Variants in LIMS4 observed in about 807,000 individuals in gnomAD.
LIMS4 encodes the protein LIM zinc finger domain containing 4.
At chr2:110,371,252 A>C in the LIMS4 span, among the ~76,000 whole-genome samples, 20 of 128,430 alleles carry the variant, frequency 1.6e-4, no homozygotes, top group South Asian at 2.4e-4. Flanking sequence ...AAAAAAAAAA[A>C]AAACAAGTCT....
At chr2:110,376,212 A>C in the LIMS4 span, 5 of 138,786 alleles carry the variant, frequency 3.6e-5, no homozygotes, top group Non-Finnish European at 7.4e-5. Flanking sequence ...CGAGTACAGG[A>C]TTCTTACATA....
At chr2:110,382,403 A>T in the LIMS4 span, among the ~76,000 whole-genome samples, 1 of 39,012 alleles carries the variant, frequency 2.6e-5, no homozygotes, top group East Asian at 5.5e-4. Flanking sequence ...TGGAAACTGG[A>T]CCCCTCGACA....
At chr2:110,361,948 G>A in the LIMS4 span, 2 of 1,409,448 alleles carry the variant, frequency 1.4e-6, no homozygotes, top group Non-Finnish European at 2.0e-6. Context: ...CCACATCAGA[G>A]TACACAACAT....
the LIMS4 span, among the ~76,000 whole-genome samples, chr2:110,367,615 A>AT: frequency 6.9e-6 from 1 of 143,996 alleles, no homozygotes; most frequent in Admixed American, 6.7e-5. Flanking sequence ...ACTTCGAACT[A>AT]TAAAAACTCC....
the LIMS4 span, among the ~76,000 whole-genome samples, chr2:110,411,485 T>A: frequency 2.2e-5 from 3 of 136,938 alleles, no homozygotes; most frequent in Non-Finnish European, 4.5e-5. Context: ...CTGGCAAAGA[T>A]CTTTTAAGGC....
the LIMS4 span, among the ~76,000 whole-genome samples, chr2:110,382,098 AATATATATATATATATATATATATATAT>A: frequency 2.5e-5 from 1 of 40,492 alleles, no homozygotes; most frequent in African/African-American, 1.3e-4. Context: ...AAAAAAAAAA[AATATATATATATATATATATATATATAT>A]ATATATATAT....
the LIMS4 span, among the ~76,000 whole-genome samples, chr2:110,425,253 G>C: frequency 1.4e-5 from 2 of 143,402 alleles, no homozygotes; most frequent in Non-Finnish European, 3.0e-5. Context: ...TGGGCATGGT[G>C]GCAAACCTAT....
chr2:110,395,817 A>C, the LIMS4 span, among the ~76,000 whole-genome samples: 2 of 119,926 alleles, frequency 1.7e-5, no homozygotes, highest in Non-Finnish European at 3.3e-5. Flanking sequence ...ATGAGCCATC[A>C]TGTCCCTGAT....
chr2:110,433,492 C>T, the LIMS4 span: 3 of 147,858 alleles, frequency 2.0e-5, no homozygotes, highest in South Asian at 4.4e-4. Context: ...TCAAAGGATC[C>T]GTGAATTCTT....
At chr2:110,367,241 A>G in the LIMS4 span, among the ~76,000 whole-genome samples, 1 of 147,662 alleles carries the variant, frequency 6.8e-6, no homozygotes, top group Non-Finnish European at 1.5e-5. Flanking sequence ...TAAAATTTAT[A>G]AGGAACTAAA....
chr2:110,419,472 C>T, the LIMS4 span, among the ~76,000 whole-genome samples: 1 of 51,260 alleles, frequency 2.0e-5, no homozygotes, highest in Non-Finnish European at 3.6e-5. Context: ...AACCCCATCT[C>T]TACTAAAAAT....
the LIMS4 span, among the ~76,000 whole-genome samples, chr2:110,424,735 C>G: frequency 1.4e-5 from 2 of 144,102 alleles, no homozygotes; most frequent in Non-Finnish European, 3.0e-5. Context: ...AGCTGGACTC[C>G]CTGAGTGCAG....
At chr2:110,395,930 A>T in the LIMS4 span, among the ~76,000 whole-genome samples, 9 of 141,060 alleles carry the variant, frequency 6.4e-5, 2 homozygotes, top group Non-Finnish European at 1.1e-4. Flanking sequence ...AGAGGCACAT[A>T]CCAGCGTCCT....
At chr2:110,372,796 G>A in the LIMS4 span, among the ~76,000 whole-genome samples, 15 of 148,242 alleles carry the variant, frequency 1.0e-4, no homozygotes, top group South Asian at 4.2e-4. Flanking sequence ...GTGAGCCACC[G>A]CGTCCAGCCT....
At chr2:110,418,624 G>T in the LIMS4 span, among the ~76,000 whole-genome samples, 583 of 65,160 alleles carry the variant, frequency 8.9e-3, 4 homozygotes, top group Non-Finnish European at 0.013. Context: ...CATTTTCCTA[G>T]TATTTCTTCT....
the LIMS4 span, among the ~76,000 whole-genome samples, chr2:110,424,937 T>C: frequency 0.026 from 3,760 of 143,612 alleles, 300 homozygotes; most frequent in Non-Finnish European, 0.036. Context: ...AAACGGAACA[T>C]GGGAGGGGCC....
At chr2:110,363,952 T>G in the LIMS4 span, among the ~76,000 whole-genome samples, 6 of 139,096 alleles carry the variant, frequency 4.3e-5, no homozygotes, top group Non-Finnish European at 6.3e-5. Flanking sequence ...AGCCCAGGAG[T>G]TCAAAACCAG....
the LIMS4 span, among the ~76,000 whole-genome samples, chr2:110,371,479 A>G: frequency 7.9e-6 from 1 of 126,834 alleles, no homozygotes; most frequent in Non-Finnish European, 1.5e-5. Flanking sequence ...TTTCCTGGCC[A>G]TCCTGTCTTG....
the LIMS4 span, among the ~76,000 whole-genome samples, chr2:110,365,430 A>G: frequency 1.5e-5 from 2 of 136,678 alleles, no homozygotes; most frequent in Non-Finnish European, 3.0e-5. Flanking sequence ...CCTGCTCTTG[A>G]ATGACTGCTA....
Sources: gnomAD v4.1 joint callset for allele counts (sites outside exome capture counted in the v4.1 genomes callset) on GRCh38, gnomAD v4.1.1 for gene constraint, MANE v1.5 for transcripts, NCBI Gene and HGNC (gene_info 2026-07-23, HGNC 2026-07-21) for gene names.